Variants in EYS observed in about 807,000 individuals in gnomAD.
EYS encodes the protein EGF-like photoreceptor maintenance factor.
Under a neutral mutation model 282.1 loss-of-function variants are expected in EYS, and 250 were observed. The observed-to-expected ratio is 0.89, with a 90% confidence interval of 0.80 to 0.98. EYS has a LOEUF of 0.98. Ranked by LOEUF, EYS falls within the 50% of genes least tolerant of loss-of-function variation. EYS has a pLI of 0.00. For synonymous variants in EYS, 1,355 were observed against 1,282.9 expected, an observed-to-expected ratio of 1.06 and a Z score of -1.20; for missense variants, 4,016 against 3,709.0, an observed-to-expected ratio of 1.08 and a Z score of -2.15.
intron 36 of EYS, among the ~76,000 whole-genome samples, chr6:63,810,228 T>C (rs1292816329): frequency 7.5e-6 from 1 of 133,702 alleles, no homozygotes; most frequent in Non-Finnish European, 1.5e-5. Flanking sequence ...GCCACTGCAC[T>C]CCAGCCTGGG....
intron 31 of EYS, among the ~76,000 whole-genome samples, chr6:64,151,360 TATA>T (rs1774725746): frequency 3.4e-5 from 4 of 116,924 alleles, no homozygotes; most frequent in South Asian, 2.5e-4. Context: ...TATATATATA[TATA>T]ATTTTTTTTT....
At chr6:64,378,843 A>G (rs746397831) in intron 29 of EYS, among the ~76,000 whole-genome samples, 1 of 152,152 alleles carries the variant, frequency 6.6e-6, no homozygotes, top group Non-Finnish European at 1.5e-5. Context: ...GCACTATTGC[A>G]TGTCATGGAG....
chr6:65,070,700 A>T (rs951684713), intron 12 of EYS, among the ~76,000 whole-genome samples: 4 of 151,574 alleles, frequency 2.6e-5, no homozygotes, highest in African/African-American at 9.7e-5. Context: ...GCAAATCTGG[A>T]TTAGGTCCCC....
rs1232743091 is a variant in EYS at position 64,935,640 on chromosome 6, C to A, written c.2381+10153G>T. Among the ~76,000 whole-genome samples, 3 of 151,682 alleles carry A rather than the reference C, an allele frequency of 2.0e-5. No homozygotes were observed. In the East Asian group the frequency reaches 5.8e-4, roughly 29 times the overall value. ...ATGAAAGAGAAGAAAATACTACACTCTTCCAAAAACAAAAAAGGATTCAAA... is the reference window on the plus strand; with the variant it reads ...ATGAAAGAGAAGAAAATACTACACTATTCCAAAAACAAAAAAGGATTCAAA... On this transcript the variant is annotated intron_variant, in intron 15 of 42. Coordinates refer to ENST00000503581, the MANE Select transcript of EYS (RefSeq NM_001142800.2).
At chr6:64,244,513 G>T (rs1313238002) in intron 30 of EYS, among the ~76,000 whole-genome samples, 1 of 152,072 alleles carries the variant, frequency 6.6e-6, no homozygotes, top group African/African-American at 2.4e-5. Context: ...TCTAGGTTAG[G>T]TTGTTTTACA....
At chr6:64,313,415 C>A (rs1006273424) in intron 29 of EYS, among the ~76,000 whole-genome samples, 4 of 152,052 alleles carry the variant, frequency 2.6e-5, no homozygotes, top group Non-Finnish European at 5.9e-5. Context: ...GATTGTTGTA[C>A]CTGAAAATGA....
chr6:64,766,649 A>AATATATATATATATATATATATATAT (rs70999172), intron 22 of EYS, among the ~76,000 whole-genome samples: 12 of 19,044 alleles, frequency 6.3e-4, no homozygotes, highest in Non-Finnish European at 1.0e-3. Flanking sequence ...AAAAAAAAAA[A>AATATATATATATATATATATATATAT]ATATATATAT....
At chr6:64,372,244 T>A (rs573503980) in intron 29 of EYS, among the ~76,000 whole-genome samples, 2 of 150,302 alleles carry the variant, frequency 1.3e-5, no homozygotes, top group Admixed American at 1.3e-4. Context: ...TGGTAAAAAA[T>A]TCTCTCAGCA....
chr6:64,825,950 AC>A (rs1765044150), intron 19 of EYS, among the ~76,000 whole-genome samples: 1 of 151,768 alleles, frequency 6.6e-6, no homozygotes, highest in Non-Finnish European at 1.5e-5. Flanking sequence ...GATTATTATA[AC>A]AACAAGATTG....
chr6:63,951,030 C>T (rs946876644), intron 35 of EYS, among the ~76,000 whole-genome samples: 34 of 152,080 alleles, frequency 2.2e-4, no homozygotes, highest in African/African-American at 8.2e-4. Flanking sequence ...TGCCTTGATC[C>T]TTCACCCTTA....
At chr6:63,727,737 A>AAATATATATAT (rs1554164607) in intron 41 of EYS, among the ~76,000 whole-genome samples, 14 of 36,732 alleles carry the variant, frequency 3.8e-4, no homozygotes, top group Non-Finnish European at 6.0e-4. Flanking sequence ...AAAAAAAAAA[A>AAATATATATAT]ATATATATAT....
chr6:65,219,391 T>C (rs1766402064), intron 12 of EYS, among the ~76,000 whole-genome samples: 1 of 152,130 alleles, frequency 6.6e-6, no homozygotes, highest in African/African-American at 2.4e-5. Context: ...ACCTAAATTA[T>C]CTTGGTGATT....
At chr6:65,422,309 T>C (rs16896648) in intron 5 of EYS, among the ~76,000 whole-genome samples, 9,896 of 151,942 alleles carry the variant, frequency 0.065, 438 homozygotes, top group African/African-American at 0.12. Flanking sequence ...ATACAAATAC[T>C]TACAATGTAC....
chr6:64,232,993 T>C lies in EYS; in HGVS notation c.6192-2169A>G, dbSNP rs535970553. On this transcript the variant is annotated intron_variant, in intron 30 of 42. Coordinates refer to ENST00000503581, the MANE Select transcript of EYS (RefSeq NM_001142800.2). ...GTATTCTGAATTCTAATTTAATTTT[T>C]AGTTTTAATGTTTCTGAATAATTTC... is the stretch of plus-strand genomic sequence containing the variant. Among the ~76,000 whole-genome samples, 24 of 152,334 alleles carry C rather than the reference T, an allele frequency of 1.6e-4. No homozygotes were observed. In the South Asian group the frequency reaches 5.0e-3, roughly 32 times the overall value.
Position 63,720,896 on chromosome 6 carries a change from G to T in EYS, c.9135C>A (p.His3045Gln). Residue 3045 changes from histidine (H) to glutamine (Q), a missense_variant, in exon 43 of 43, where the codon CAC (histidine) becomes CAA (glutamine). His to Gln is a conservative substitution (Grantham distance 24). Transcript: ENST00000503581. ...TCTGATTTTGAATTACAACTACATG[G>T]TGCCATTTATTACAACAGAATGTGC... Reference protein sequence around the residue: ...NNGTFCCNKWHHVVVIQNQTL... With the variant: ...NNGTFCCNKWQHVVVIQNQTL... 6.4e-7 allele frequency: 1 copy of T among 1,550,700 alleles called. No homozygotes were observed. The highest frequency in any genetic ancestry group is 8.7e-7 in the Non-Finnish European group (1 of 1,146,282).
intron 29 of EYS, among the ~76,000 whole-genome samples, chr6:64,351,677 C>T (rs1420457331): frequency 6.6e-6 from 1 of 151,312 alleles, no homozygotes; most frequent in Non-Finnish European, 1.5e-5. Context: ...TCATTTAAAA[C>T]AAATAGGAAG....
intron 5 of EYS, among the ~76,000 whole-genome samples, chr6:65,427,367 G>A (rs1502991): frequency 0.49 from 74,777 of 151,776 alleles, 18,611 homozygotes; most frequent in South Asian, 0.57. Flanking sequence ...TTCCCTCAAT[G>A]CATTTACACG....
rs16897027 is a variant in EYS, at chr6:65,664,832, C to T, written c.-447-24940G>A. Among the ~76,000 whole-genome samples, 1,498 of 152,220 alleles carry T rather than the reference C, an allele frequency of 9.8e-3. 29 individuals are homozygous for T. The highest frequency in any genetic ancestry group is 0.034 in the African/African-American group (1,404 of 41,548). On this transcript the variant is annotated intron_variant, in intron 1 of 42. Coordinates refer to ENST00000503581, the MANE Select transcript of EYS (RefSeq NM_001142800.2). ...TTAGACAAACTAAGGTATCTGATCA[C>T]CATATTTACTAGGCAAAATATTGAG...
At chr6:64,419,062 G>A (rs535772947) in intron 28 of EYS, among the ~76,000 whole-genome samples, 10 of 152,186 alleles carry the variant, frequency 6.6e-5, no homozygotes, top group East Asian at 5.8e-4. Context: ...TTAAATATTC[G>A]CTATGGCTCC....
Sources: allele counts gnomAD v4.1 joint callset (sites outside exome capture counted in the v4.1 genomes callset), GRCh38; gene constraint gnomAD v4.1.1; transcripts MANE v1.5; gene names NCBI Gene and HGNC (gene_info 2026-07-23, HGNC 2026-07-21).